Variants in ZFYVE26 observed in about 807,000 individuals in gnomAD.
ZFYVE26 encodes zinc finger FYVE domain-containing protein 26.
ZFYVE26 carries 181 observed loss-of-function variants against 276.5 expected under a neutral mutation model. The observed-to-expected ratio is 0.65, with a 90% CI of 0.58 to 0.74. The LOEUF (loss-of-function observed/expected upper bound fraction) is 0.74, where lower values mean the gene tolerates loss of function less well. Ranked by LOEUF, ZFYVE26 falls within the 30% of genes least tolerant of loss-of-function variation. The pLI, the probability that ZFYVE26 is intolerant of heterozygous loss-of-function variation, is 0.00. For synonymous variants in ZFYVE26, 1,129 were observed against 1,203.1 expected (o/e 0.94, Z 1.27); for missense variants, 2,821 against 3,097.9 (o/e 0.91, Z 2.12).
chr14:67,746,338 C>G (rs1158614536), downstream of ZFYVE26, among the ~76,000 whole-genome samples: 5 of 152,008 alleles, frequency 3.3e-5, no homozygotes, highest in Admixed American at 6.6e-5. Flanking sequence ...GGTGCACTAA[C>G]AGTGTTTAAA....
In ZFYVE26 at chr14:67,767,703, C is replaced by A; in HGVS notation, c.5790+1G>T. The A allele has an allele frequency of 6.2e-7, 1 of 1,614,100 alleles. No individual in the cohort carries two copies. The highest frequency in any genetic ancestry group is 1.1e-5 in the South Asian group (1 of 91,084). On this transcript the variant is annotated splice_donor_variant, in intron 31 of 41. Transcript: ENST00000347230. LOFTEE classifies it high-confidence loss of function. ...TGACCATTGCATTTTATTGCTATTACCTGCTCATAGTAAAATTCACTCCGC... is the reference window on the plus strand; with the variant it reads ...TGACCATTGCATTTTATTGCTATTAACTGCTCATAGTAAAATTCACTCCGC...
chr14:67,803,583 T>C (rs894597690), intron 9 of ZFYVE26, among the ~76,000 whole-genome samples: 2 of 152,136 alleles, frequency 1.3e-5, no homozygotes, highest in Non-Finnish European at 2.9e-5. Flanking sequence ...CCTCAAGCAA[T>C]CCACCTGCCT....
At chr14:67,740,835 C>T (rs113366457) in intron 13 of ZFYVE26, among the ~76,000 whole-genome samples, 2,291 of 150,316 alleles carry the variant, frequency 0.015, 63 homozygotes, top group African/African-American at 0.048. Context: ...TTGAACCTAG[C>T]GGGGCAGAAG....
intron 29 of ZFYVE26, 82 bp downstream of exon 29, chr14:67,769,512 T>TA (rs2039147359): frequency 6.3e-7 from 1 of 1,593,756 alleles, no homozygotes; most frequent in East Asian, 2.2e-5. Context: ...AATGCTCTCA[T>TA]AATGAGACTC....
At position 67,755,054 on chromosome 14, in the gene ZFYVE26, G is replaced by A. The variant is rs2038742783; in HGVS notation, c.6983C>T (p.Ser2328Leu). The A allele has an allele frequency of 6.2e-7, 1 of 1,613,782 alleles. No homozygotes were observed. Among genetic ancestry groups the A allele is most frequent in the East Asian group, 2.2e-5 (1 of 44,886 alleles). ...FRKKMTAADV[S>L]RHMNTLQLQM... is the part of the protein sequence containing the mutation. ...AGTCCCCTGAACCTCCAGCTACCTT[G>A]ACACATCAGCTGCAGTCATCTTCTT... The change falls in exon 37 of 42, where the codon TCA becomes TTA. Residue 2328 changes from serine (S) to leucine (L), a missense_variant. Physicochemically the swap from Ser to Leu is moderately radical, Grantham distance 145 (BLOSUM62 -2). Coordinates refer to ENST00000347230, the MANE Select transcript of ZFYVE26 (RefSeq NM_015346.4).
At position 67,809,183 on chromosome 14, in the gene ZFYVE26, C is replaced by G; in HGVS notation, c.363+17G>C. ...GACTGTCAACCCTGGGCAGATGGTA[C>G]CAGGGCTCTCTCTCACCTCGAGGAT... On this transcript the variant is annotated intron_variant, in intron 4 of 41. Coordinates refer to ENST00000347230, the MANE Select transcript of ZFYVE26 (RefSeq NM_015346.4). The G allele has an allele frequency of 6.2e-7, 1 of 1,609,574 alleles. No individual in the cohort carries two copies. The highest frequency in any genetic ancestry group is 2.2e-5 in the East Asian group (1 of 44,846).
Position 67,784,374 on chromosome 14 carries a change from C to T in ZFYVE26, c.3586G>A (p.Val1196Met), listed in dbSNP as rs2039593995. ...VLLQQSSSQL[V>M]SHLLFERQVP... ...TGTCTCTCAAACAGGAGATGTGACA[C>T]CAGTTGGGAAGAGCTCTGTTGCAGC... The change falls in exon 20 of 42, where the codon GTG (valine) becomes ATG (methionine). Residue 1196 changes from valine to methionine, a missense_variant. Physicochemically the swap from Val to Met is conservative, Grantham distance 21 (BLOSUM62 1). Transcript: ENST00000347230. 1.2e-6 allele frequency: 2 copies of T among 1,613,888 alleles called. No individual in the cohort carries two copies. The highest frequency in any genetic ancestry group is 2.2e-5 in the East Asian group (1 of 44,898).
chr14:67,729,511 C>G (rs1403980773), exon 14 of ZFYVE26: 15 of 847,590 alleles, frequency 1.8e-5, no homozygotes, highest in Non-Finnish European at 2.9e-5. Context: ...GGCCTGCAAA[C>G]AGAATGCCGT....
chr14:67,751,163 C>T, intron 40 of ZFYVE26, 67 bp from the exon 41 acceptor site: 1 of 1,580,936 alleles, frequency 6.3e-7, no homozygotes, highest in Non-Finnish European at 8.7e-7. Context: ...CAGGGCCCAA[C>T]CCAGCCTCAG....
chr14:67,769,872 A>T, intron 28 of ZFYVE26, 142 bp from the exon 29 acceptor site: 1 of 1,126,994 alleles, frequency 8.9e-7, no homozygotes, highest in Non-Finnish European at 1.3e-6. Context: ...GGAAAAGGAC[A>T]CACCAGTCCT....
intron 23 of ZFYVE26, 150 bp downstream of exon 23, chr14:67,780,091 C>T (rs972649253): frequency 9.8e-5 from 74 of 757,380 alleles, no homozygotes; most frequent in Admixed American, 2.9e-4. Context: ...GATCTCCTGA[C>T]CTTGTGAGCC....
chr14:67,743,498 TAATAAAATAAAATAAAATAAAATAA>T (rs142422698), downstream of ZFYVE26, among the ~76,000 whole-genome samples: 30,409 of 139,190 alleles, frequency 0.22, 3,846 homozygotes, highest in East Asian at 0.54. Flanking sequence ...CTCAGTATAA[TAATAAAATAAAATAAAATAAAATAA>T]AATAAAATAA....
chr14:67,803,605 A>G (rs146287044), intron 9 of ZFYVE26, among the ~76,000 whole-genome samples: 3,993 of 152,272 alleles, frequency 0.026, 92 homozygotes, highest in African/African-American at 0.062. Context: ...GGCCTCCCAA[A>G]GTGCTGGGAT....
downstream of ZFYVE26, among the ~76,000 whole-genome samples, chr14:67,744,143 C>A (rs927354959): frequency 6.6e-6 from 1 of 152,128 alleles, no homozygotes; most frequent in Non-Finnish European, 1.5e-5. Flanking sequence ...CTGTGGCTAT[C>A]GATATTTGGT....
intron 25 of ZFYVE26, 51 bp downstream of exon 25, chr14:67,777,508 C>G (rs766944951): frequency 1.3e-6 from 2 of 1,594,696 alleles, no homozygotes; most frequent in Admixed American, 1.7e-5. Flanking sequence ...TCCTTTTCCT[C>G]CTTACCTTGG....
At chr14:67,804,294 G>T (rs565108481) in intron 8 of ZFYVE26, 30 bp from the exon 9 acceptor site, 5 of 1,612,880 alleles carry the variant, frequency 3.1e-6, no homozygotes, top group Non-Finnish European at 4.2e-6. Context: ...GGATGGAAGA[G>T]AGGCAGTTTA....
chr14:67,774,382 C>T (rs1395961193), intron 27 of ZFYVE26, among the ~76,000 whole-genome samples: 1 of 152,190 alleles, frequency 6.6e-6, no homozygotes, highest in Admixed American at 6.5e-5. Context: ...GCCTTTAATC[C>T]CAGCTACTCG....
intron 6 of ZFYVE26, among the ~76,000 whole-genome samples, chr14:67,805,858 A>C (rs1054620808): frequency 6.6e-6 from 1 of 152,130 alleles, no homozygotes. Flanking sequence ...GGGAAACCCT[A>C]TCTCTACTAA....
At chr14:67,808,022 G>T in intron 4 of ZFYVE26, 102 bp from the exon 5 acceptor site, 1 of 1,381,034 alleles carries the variant, frequency 7.2e-7, no homozygotes, top group Non-Finnish European at 1.0e-6. Context: ...TTATATAATA[G>T]TGGCGGTAAC....
Sources: allele counts gnomAD v4.1 joint callset (sites outside exome capture counted in the v4.1 genomes callset), GRCh38; gene constraint gnomAD v4.1.1; transcripts MANE v1.5; gene names NCBI Gene and HGNC (gene_info 2026-07-23, HGNC 2026-07-21).